The following SUN1 variants were observed in gnomAD, a reference collection of about 807,000 sequenced individuals.
SUN1 encodes Sad1 and UNC84 domain containing 1.
In SUN1, 61 loss-of-function variants were observed where a neutral mutation model predicts 103.2. The ratio of observed to expected loss-of-function variants is 0.59; its 90% CI spans 0.48 to 0.73. SUN1 has a LOEUF of 0.73. Ranked by LOEUF, SUN1 falls within the 30% of genes least tolerant of loss-of-function variation. The probability of loss-of-function intolerance (pLI) is 0.00; values close to 1 mark genes in which losing one functional copy is unlikely to be tolerated. For synonymous variants in SUN1, 490 were observed against 425.7 expected (o/e 1.15, Z -1.86); for missense variants, 1,052 against 1,034.6 (o/e 1.02, Z -0.23).
rs1376743583 is a variant in SUN1, at chr7:874,679, T to G, written c.*1348T>G. 1 of 152,234 alleles carries G rather than the reference T, an allele frequency of 6.6e-6. No individual in the cohort carries two copies. Among genetic ancestry groups the G allele is most frequent in the African/African-American group, 2.4e-5 (1 of 41,462 alleles). The allele number at this position is 152,234 out of a possible 1,614,324, so 9.4% of individuals were successfully genotyped here. ...TACAGATGTTTCATATATTACAGGT[T>G]ACATATATAAATCAAAATTTCCTAT... On this transcript the variant is annotated 3_prime_UTR_variant, in exon 19 of 19. Transcript: ENST00000401592.
At chr7:841,684 C>A in intron 2 of SUN1, 1 of 394,998 alleles carries the variant, frequency 2.5e-6, no homozygotes, top group Non-Finnish European at 4.6e-6. Flanking sequence ...TTTATTTTAG[C>A]TTTTAACCAC....
chr7:865,960 A>G lies in SUN1; in HGVS notation c.1873A>G (p.Ile625Val), dbSNP rs1211998226. The change falls in exon 16 of 19, where the codon ATC (isoleucine) becomes GTC (valine). Residue 625 changes from isoleucine (I) to valine (V), a missense_variant. Around this residue, in one of 2 missense-constraint regions of SUN1, gnomAD observed 206 missense variants for 260.1 expected, o/e 0.79. Transcript: ENST00000401592. ...DFALESGGGS[I>V]LSTRCSETYE... ...CTGAACTTTGCTTTAAGGTGGCAGC[A>G]TCTTGAGTACTCGCTGTTCTGAAAC... The G allele has an allele frequency of 1.2e-6, 2 of 1,614,116 alleles. No homozygotes were observed. Among genetic ancestry groups the G allele is most frequent in the South Asian group, 1.1e-5 (1 of 91,076 alleles).
intron 6 of SUN1, chr7:851,724 A>G: frequency 1.6e-6 from 1 of 626,322 alleles, no homozygotes. Flanking sequence ...CCCGGTGCAG[A>G]GAATGCATGG....
chr7:816,356 G>T (rs1485973826), upstream of SUN1: 1 of 181,278 alleles, frequency 5.5e-6, no homozygotes. Context: ...CCCGAATGCA[G>T]TCCCCCTCCT....
At chr7:830,692 G>T (rs1797109150), upstream of SUN1, among the ~76,000 whole-genome samples, 1 of 152,134 alleles carries the variant, frequency 6.6e-6, no homozygotes, top group South Asian at 2.1e-4. Flanking sequence ...TGGCCTTATT[G>T]CTAAATTAGC....
At position 851,464 on chromosome 7, in the gene SUN1, C is replaced by A. The variant is rs1368322510; in HGVS notation, c.739C>A (p.Leu247Met). ...CAGGACGGCGTGGTCGGCCCTTTGG[C>A]TGGCCGTGGTTGCTCCAGGTGGCTA... The part of the protein sequence containing the change: ...VSRTAWSALW[L>M]AVVAPGKAAS... The change falls in exon 6 of 19, where the codon CTG becomes ATG. Residue 247 changes from leucine to methionine, a missense_variant. Transcript: ENST00000401592. 2.5e-6 allele frequency: 4 copies of A among 1,607,488 alleles called. No homozygotes were observed. The East Asian group carries it at 8.9e-5, about 36-fold the overall frequency.
chr7:869,523 G>A lies in SUN1; in HGVS notation c.2148+7G>A. The A allele has an allele frequency of 6.2e-7, 1 of 1,610,368 alleles. No individual in the cohort carries two copies. The highest frequency in any genetic ancestry group is 8.5e-7 in the Non-Finnish European group (1 of 1,177,666). The stretch of plus-strand genomic sequence containing the variant: ...CAAGGACTTCGCCGTCTATGTGAGT[G>A]CCCTTGGCCGACCCTCCTCCTCCCA... On this transcript the variant is annotated splice_region_variant and intron_variant, in intron 17 of 18. Transcript: ENST00000401592.
chr7:832,644 C>T, intron 1 of SUN1, 43 bp downstream of exon 1: 3 of 1,534,814 alleles, frequency 2.0e-6, no homozygotes, highest in Non-Finnish European at 2.7e-6. Context: ...TTGCAATGCC[C>T]ACTCGCTGTC....
At position 854,948 on chromosome 7, in the gene SUN1, A is replaced by G; in HGVS notation, c.1292A>G (p.His431Arg). The G allele has an allele frequency of 3.7e-6, 6 of 1,613,886 alleles. No homozygotes were observed. The highest frequency in any genetic ancestry group is 2.7e-5 in the African/African-American group (2 of 75,044). Reference protein sequence around the residue: ...ETDFMAFHQEHEVRMSHLEDI... With the variant: ...ETDFMAFHQEREVRMSHLEDI... The stretch of plus-strand genomic sequence containing the variant: ...GACTTTATGGCCTTTCACCAAGAAC[A>G]TGAAGTGCGTATGTCACACTTGGAA... The change falls in exon 11 of 19, where the codon CAT becomes CGT. Residue 431 changes from histidine to arginine, a missense_variant. Physicochemically the swap from His to Arg is conservative, Grantham distance 29. Around this residue, in one of 2 missense-constraint regions of SUN1, gnomAD observed 846 missense variants for 774.5 expected, o/e 1.09. Coordinates refer to ENST00000401592, the MANE Select transcript of SUN1 (RefSeq NM_001130965.3).
intron 1 of SUN1, among the ~76,000 whole-genome samples, chr7:833,562 C>T (rs976678226): frequency 4.6e-5 from 7 of 152,266 alleles, no homozygotes; most frequent in East Asian, 3.9e-4. Context: ...CCACCCACCT[C>T]GGCCTCCCAA....
intron 16 of SUN1, 39 bp from the exon 17 acceptor site, chr7:869,310 T>C (rs762376248): frequency 8.7e-6 from 14 of 1,600,394 alleles, no homozygotes; most frequent in African/African-American, 4.0e-5. Context: ...GGTAAGAGCA[T>C]GCTCACACTC....
At chr7:848,388 A>G in intron 5 of SUN1, 1 of 1,341,378 alleles carries the variant, frequency 7.5e-7, no homozygotes, top group South Asian at 1.2e-5. Context: ...TTATGGGAAG[A>G]AATAACGCAT....
chr7:857,323 A>G (rs1828466264), intron 12 of SUN1, among the ~76,000 whole-genome samples: 1 of 152,166 alleles, frequency 6.6e-6, no homozygotes, highest in African/African-American at 2.4e-5. Flanking sequence ...TTTCAGTAAA[A>G]AAGTTGCTTT....
chr7:838,447 C>T (rs957346465), intron 1 of SUN1, among the ~76,000 whole-genome samples: 3 of 152,148 alleles, frequency 2.0e-5, no homozygotes, highest in Non-Finnish European at 4.4e-5. Context: ...GTAGTGTTGA[C>T]GAGGAAACAC....
rs79768726 is a variant in SUN1, at chr7:856,947, T to G, written c.1394+546T>G. 7.6e-3 allele frequency among the ~76,000 whole-genome samples: 1,153 copies of G among 152,278 alleles called. 49 individuals are homozygous for G. In the East Asian group the frequency reaches 0.14, roughly 18 times the overall value. Reference sequence around the variant, plus strand: ...CGCGTGGCTGTCGGCCCTGCCGCCCTTGGAATCCATGGCACAGCCGGGTCC... The same window carrying G: ...CGCGTGGCTGTCGGCCCTGCCGCCCGTGGAATCCATGGCACAGCCGGGTCC... On this transcript the variant is annotated intron_variant, in intron 12 of 18. Coordinates refer to ENST00000401592, the MANE Select transcript of SUN1 (RefSeq NM_001130965.3).
At chr7:817,164 T>C in intron 1 of SUN1, 1 of 492,244 alleles carries the variant, frequency 2.0e-6, no homozygotes, top group South Asian at 2.1e-5. Flanking sequence ...CTCGCTGTGT[T>C]TCCCAGGCTG....
chr7:856,734 C>T (rs1230122742), intron 12 of SUN1, among the ~76,000 whole-genome samples: 1 of 152,216 alleles, frequency 6.6e-6, no homozygotes, highest in Non-Finnish European at 1.5e-5. Flanking sequence ...CATGTTGCAG[C>T]CCGTGCCATG....
chr7:853,242 C>T, intron 9 of SUN1, 167 bp from the exon 10 acceptor site: 1 of 810,208 alleles, frequency 1.2e-6, no homozygotes, highest in Non-Finnish European at 1.9e-6. Flanking sequence ...CCATAGTCAG[C>T]CATGTAAGGA....
At chr7:828,059 A>G (rs537109637), upstream of SUN1, among the ~76,000 whole-genome samples, 2 of 151,464 alleles carry the variant, frequency 1.3e-5, no homozygotes, top group African/African-American at 4.8e-5. Context: ...ACGCACCACC[A>G]CACCCGGCTG....
Sources: gnomAD v4.1 joint callset for allele counts (sites outside exome capture counted in the v4.1 genomes callset) on GRCh38, gnomAD v4.1.1 for gene constraint, gnomAD v4.1.1 regional missense constraint, MANE v1.5 for transcripts, NCBI Gene and HGNC (gene_info 2026-07-23, HGNC 2026-07-21) for gene names.